The following EOGT variants were observed in gnomAD, a reference collection of about 807,000 sequenced individuals.
The protein encoded by EOGT is EGF domain specific O-linked N-acetylglucosamine transferase, also known as EGF domain-specific O-linked N-acetylglucosamine transferase.
A neutral mutation model predicts 70.5 loss-of-function variants in EOGT; 55 were observed. That is an observed-to-expected ratio of 0.78 (90% confidence interval 0.63 to 0.98). The LOEUF is 0.98. EOGT is among the 50% of genes least tolerant of loss of function. The pLI, the probability that EOGT is intolerant of heterozygous loss-of-function variation, is 0.00. For missense variants in EOGT, 703 were observed against 641.9 expected (o/e 1.10, Z -1.03); for synonymous variants, 246 against 217.1 (o/e 1.13, Z -1.17).
intron 9 of EOGT, among the ~76,000 whole-genome samples, chr3:68,999,579 C>T (rs1476752174): frequency 2.0e-5 from 3 of 152,092 alleles, no homozygotes; most frequent in Non-Finnish European, 2.9e-5. Flanking sequence ...TATAAAAATA[C>T]TCTGTTTTTT....
At chr3:68,997,371 C>CTTT (rs796115630) in intron 10 of EOGT, among the ~76,000 whole-genome samples, 3 of 141,492 alleles carry the variant, frequency 2.1e-5, no homozygotes, top group Non-Finnish European at 4.6e-5. Flanking sequence ...GAATGACAGC[C>CTTT]TTTTTTTTTT....
chr3:68,976,384 A>G lies in EOGT; in HGVS notation c.*1234T>C, dbSNP rs1345683347. ...TTCATATATAAATTAATTAATCACA[A>G]ATGCTCTCCATGGCTAAGAAGGAAT... On this transcript the variant is annotated 3_prime_UTR_variant, in exon 18 of 18. Coordinates refer to ENST00000383701, the MANE Select transcript of EOGT (RefSeq NM_001278689.2). The G allele has an allele frequency of 6.6e-6, 1 of 152,202 alleles. No individual in the cohort carries two copies. Among genetic ancestry groups the G allele is most frequent in the Non-Finnish European group, 1.5e-5 (1 of 68,036 alleles). The allele number at this position is 152,202 out of a possible 1,614,324, so 9.4% of individuals were successfully genotyped here. A position where few individuals can be genotyped will look rare whatever the true frequency, so the allele number is the denominator to read the frequency against.
At chr3:69,003,170 G>C (rs1216817898) in intron 8 of EOGT, among the ~76,000 whole-genome samples, 1 of 152,208 alleles carries the variant, frequency 6.6e-6, no homozygotes, top group East Asian at 1.9e-4. Context: ...ATGAGTACAG[G>C]TAATTGCTGG....
rs200700226 is a variant in EOGT, at chr3:68,977,795, A to G, written c.1438-31T>C. 3.1e-6 allele frequency: 5 copies of G among 1,597,002 alleles called. No individual in the cohort carries two copies. In the East Asian group the frequency reaches 9.0e-5, roughly 29 times the overall value. On this transcript the variant is annotated intron_variant, in intron 17 of 17. Transcript: ENST00000383701. The stretch of plus-strand genomic sequence containing the variant: ...AAAATAAACCAAAACACGAATCCAT[A>G]ACTCAATGAGGGCATGGTTTTCTCT...
In EOGT at chr3:69,009,739, G is replaced by C. The variant is rs1282727449; in HGVS notation, c.108C>G (p.Asn36Lys). 3.1e-6 allele frequency: 5 copies of C among 1,614,148 alleles called. No individual in the cohort carries two copies. In the South Asian group the frequency reaches 4.4e-5, roughly 14 times the overall value. ...THSIPGEPLY[N>K]YASIRLPEEH... is the part of the protein sequence containing the mutation. ...CCTCTGGCAAGCGGATGCTGGCATA[G>C]TTATACAGAGGTTCGCCTGGAATGC... The change falls in exon 4 of 18, where the codon AAC becomes AAG. Residue 36 changes from asparagine to lysine, a missense_variant. Coordinates refer to ENST00000383701, the MANE Select transcript of EOGT (RefSeq NM_001278689.2).
chr3:69,006,139 A>G (rs6782474), intron 6 of EOGT, among the ~76,000 whole-genome samples: 117,248 of 152,146 alleles, frequency 0.77, 45,257 homozygotes, highest in Admixed American at 0.82. Flanking sequence ...GTAAATCTTA[A>G]TCAAAAGAAC....
At position 68,977,503 on chromosome 3, in the gene EOGT, G is replaced by C. The variant is rs2090503996; in HGVS notation, c.*115C>G. On this transcript the variant is annotated 3_prime_UTR_variant, in exon 18 of 18. Coordinates refer to ENST00000383701, the MANE Select transcript of EOGT (RefSeq NM_001278689.2). ...TAACAATATCCTGAAGGTATGTTTT[G>C]GCATAGAAAAGGTAATTCGGGGATA... The C allele has an allele frequency of 9.4e-7, 1 of 1,059,104 alleles. No individual in the cohort carries two copies. Among genetic ancestry groups the C allele is most frequent in the Non-Finnish European group, 1.4e-6 (1 of 707,904 alleles). The allele number at this position is 1,059,104 out of a possible 1,614,324, so 65.6% of individuals were successfully genotyped here. A position where few individuals can be genotyped will look rare whatever the true frequency, so the allele number is the denominator to read the frequency against.
intron 10 of EOGT, among the ~76,000 whole-genome samples, chr3:68,994,511 G>T (rs1055547790): frequency 6.6e-6 from 1 of 152,150 alleles, no homozygotes; most frequent in African/African-American, 2.4e-5. Context: ...AGTAATCATG[G>T]CTGGACACGG....
intron 4 of EOGT, among the ~76,000 whole-genome samples, chr3:69,008,923 A>G (rs2091502367): frequency 6.6e-6 from 1 of 152,222 alleles, no homozygotes; most frequent in African/African-American, 2.4e-5. Flanking sequence ...AACTGAATCA[A>G]TCAGCAACTT....
chr3:68,980,229 T>C (rs2090600349), intron 15 of EOGT, among the ~76,000 whole-genome samples: 1 of 152,222 alleles, frequency 6.6e-6, no homozygotes, highest in South Asian at 2.1e-4. Flanking sequence ...TGTGACACAC[T>C]AGCACTAAAT....
At chr3:68,985,127 C>A (rs1237294934) in intron 14 of EOGT, among the ~76,000 whole-genome samples, 1 of 152,138 alleles carries the variant, frequency 6.6e-6, no homozygotes, top group East Asian at 1.9e-4. Flanking sequence ...TATGCTTGAC[C>A]CCCAACTGCA....
chr3:68,977,398 T>C lies in EOGT; in HGVS notation c.*220A>G. On this transcript the variant is annotated 3_prime_UTR_variant, in exon 18 of 18. Coordinates refer to ENST00000383701, the MANE Select transcript of EOGT (RefSeq NM_001278689.2). ...TGCTTAATTTTTGAACTATAAAAAGTTTTCAGTGCAAAATTATTGCTATTG... is the reference window on the plus strand; with the variant it reads ...TGCTTAATTTTTGAACTATAAAAAGCTTTCAGTGCAAAATTATTGCTATTG... 1 of 472,704 alleles carries C rather than the reference T, an allele frequency of 2.1e-6. No individual in the cohort carries two copies. The highest frequency in any genetic ancestry group is 3.7e-6 in the Non-Finnish European group (1 of 273,732). 29.3% of individuals were successfully genotyped at this position (472,704 alleles called of 1,614,324 possible).
intron 9 of EOGT, among the ~76,000 whole-genome samples, chr3:69,000,537 A>G (rs554305829): frequency 6.6e-6 from 1 of 152,352 alleles, no homozygotes; most frequent in South Asian, 2.1e-4. Flanking sequence ...ACTTTGTAAT[A>G]TAAGAACTAT....
intron 9 of EOGT, among the ~76,000 whole-genome samples, chr3:69,001,366 C>A (rs941699299): frequency 2.6e-5 from 4 of 152,114 alleles, no homozygotes; most frequent in Non-Finnish European, 5.9e-5. Flanking sequence ...CTTCACCTCT[C>A]GTCCTTTGAT....
At chr3:69,008,395 G>C in intron 5 of EOGT, 33 bp downstream of exon 5, 1 of 1,447,802 alleles carries the variant, frequency 6.9e-7, no homozygotes, top group Non-Finnish European at 9.7e-7. Flanking sequence ...GAAAGAGGAA[G>C]ACTTGAAGAG....
At chr3:68,986,441 G>C (rs2107200521) in intron 14 of EOGT, among the ~76,000 whole-genome samples, 1 of 152,268 alleles carries the variant, frequency 6.6e-6, no homozygotes, top group East Asian at 1.9e-4. Flanking sequence ...CCAAGGTCTA[G>C]GAGGCTGATA....
chr3:68,988,404 T>C (rs1003141483), intron 12 of EOGT, 23 bp from the exon 13 acceptor site: 21 of 1,515,132 alleles, frequency 1.4e-5, no homozygotes, highest in Non-Finnish European at 1.8e-5. Context: ...CACTGGTTCA[T>C]ATTACAATGA....
Position 68,982,795 on chromosome 3 carries a change from A to G in EOGT, c.1214+16T>C, listed in dbSNP as rs769801252. On this transcript the variant is annotated intron_variant, in intron 15 of 17. Coordinates refer to ENST00000383701, the MANE Select transcript of EOGT (RefSeq NM_001278689.2). Reference sequence around the variant, plus strand: ...GCAAAAGTTGACAGTGTCTGCTGAGATTGGCTATTACTTACCTATACTTGT... The same window carrying G: ...GCAAAAGTTGACAGTGTCTGCTGAGGTTGGCTATTACTTACCTATACTTGT... 9.5e-6 allele frequency: 15 copies of G among 1,585,308 alleles called. No individual in the cohort carries two copies. In the Admixed American group the frequency reaches 2.3e-4, roughly 24 times the overall value.
In EOGT at chr3:69,010,591, G is replaced by A. The variant is rs12632476; in HGVS notation, c.-14-731C>T. ...GAAATAATAATAAACCTTCATCATA[G>A]AGCTGTCATGAGTTAAATGAGTTAG... On this transcript the variant is annotated intron_variant, in intron 3 of 17. Coordinates refer to ENST00000383701, the MANE Select transcript of EOGT (RefSeq NM_001278689.2). 4.5e-3 allele frequency among the ~76,000 whole-genome samples: 682 copies of A among 152,306 alleles called. 14 individuals are homozygous for A. In the East Asian group the frequency reaches 0.046, roughly 10 times the overall value.
Sources: allele counts gnomAD v4.1 joint callset (sites outside exome capture counted in the v4.1 genomes callset), GRCh38; gene constraint gnomAD v4.1.1; transcripts MANE v1.5; gene names NCBI Gene and HGNC (gene_info 2026-07-23, HGNC 2026-07-21).